The following RPF2 variants were observed in gnomAD, a reference collection of about 807,000 sequenced individuals.
The protein encoded by RPF2 is ribosome production factor 2 homolog.
In RPF2, 21 loss-of-function variants were observed where a neutral mutation model predicts 38.9. The observed-to-expected ratio is 0.54, with a 90% CI of 0.38 to 0.78. The LOEUF (loss-of-function observed/expected upper bound fraction) is 0.78. RPF2 is among the 30% of genes least tolerant of loss of function. The pLI, the probability that RPF2 is intolerant of heterozygous loss-of-function variation, is 0.00. For synonymous variants in RPF2, 121 were observed against 126.2 expected (o/e 0.96, Z 0.28); for missense variants, 314 against 358.1 (o/e 0.88, Z 0.99).
At chr6:111,006,675 A>G (rs1015289181) in intron 6 of RPF2, among the ~76,000 whole-genome samples, 2 of 152,124 alleles carry the variant, frequency 1.3e-5, no homozygotes, top group South Asian at 4.1e-4. Flanking sequence ...TGGCACGATC[A>G]TGGCTCACTG....
At chr6:111,009,430 C>T (rs565796386) in intron 7 of RPF2, among the ~76,000 whole-genome samples, 2 of 151,798 alleles carry the variant, frequency 1.3e-5, no homozygotes, top group South Asian at 2.1e-4. Flanking sequence ...TGACTTCAGG[C>T]GATCCACCCT....
intron 5 of RPF2, among the ~76,000 whole-genome samples, chr6:110,997,625 A>G (rs1771739341): frequency 6.6e-6 from 1 of 152,102 alleles, no homozygotes; most frequent in Non-Finnish European, 1.5e-5. Context: ...CCTGTAGTCC[A>G]GCTACTCAGG....
intron 5 of RPF2, among the ~76,000 whole-genome samples, chr6:110,998,822 G>A (rs888723840): frequency 1.3e-5 from 2 of 151,914 alleles, no homozygotes; most frequent in South Asian, 4.2e-4. Context: ...TTACACACCT[G>A]TAATCCTAGT....
chr6:111,011,344 C>T (rs1772011573), intron 7 of RPF2, among the ~76,000 whole-genome samples: 1 of 149,084 alleles, frequency 6.7e-6, no homozygotes. Flanking sequence ...CTCTGTTGCC[C>T]TGGCATGATC....
intron 3 of RPF2, among the ~76,000 whole-genome samples, chr6:110,990,371 C>T (rs1169943195): frequency 1.3e-5 from 2 of 152,146 alleles, no homozygotes; most frequent in Non-Finnish European, 2.9e-5. Flanking sequence ...ACATTTTTGA[C>T]AAGTACTTGT....
intron 8 of RPF2, among the ~76,000 whole-genome samples, chr6:111,020,009 G>C (rs1272844226): frequency 6.7e-6 from 1 of 148,680 alleles, no homozygotes; most frequent in Non-Finnish European, 1.5e-5. Context: ...CTGCCTCCCG[G>C]GTTCATGCCA....
chr6:111,001,366 T>G (rs1250107993), intron 6 of RPF2, among the ~76,000 whole-genome samples: 1 of 152,152 alleles, frequency 6.6e-6, no homozygotes, highest in African/African-American at 2.4e-5. Flanking sequence ...GCCCTCATAT[T>G]ATTTTTCTTT....
chr6:111,013,891 C>T (rs1772060516), intron 7 of RPF2, among the ~76,000 whole-genome samples: 1 of 152,104 alleles, frequency 6.6e-6, no homozygotes, highest in East Asian at 1.9e-4. Context: ...AATCCCAGCA[C>T]TTTGAGAGAC....
chr6:111,028,153 T>A lies in RPF2; in HGVS notation c.*2571T>A, dbSNP rs1772366745. On this transcript the variant is annotated 3_prime_UTR_variant, in exon 10 of 10. Coordinates refer to ENST00000441448, the MANE Select transcript of RPF2 (RefSeq NM_032194.3). Reference sequence around the variant, plus strand: ...AATTTGGGTTTCTTTTTTTTTGTTTTTTTAAAATTAAGTGCTGTTTGTTTT... The same window carrying A: ...AATTTGGGTTTCTTTTTTTTTGTTTATTTAAAATTAAGTGCTGTTTGTTTT... The A allele has an allele frequency of 6.6e-6, 1 of 152,196 alleles. No individual in the cohort carries two copies. The highest frequency in any genetic ancestry group is 2.1e-4 in the South Asian group (1 of 4,834). 9.4% of individuals were successfully genotyped at this position (152,196 alleles called of 1,614,324 possible). A position where few individuals can be genotyped will look rare whatever the true frequency, so the allele number is the denominator to read the frequency against.
chr6:111,000,819 A>G (rs1771800317), intron 6 of RPF2, among the ~76,000 whole-genome samples: 2 of 152,228 alleles, frequency 1.3e-5, no homozygotes, highest in African/African-American at 4.8e-5. Context: ...AGAATCACAC[A>G]TATGGTCAGT....
At chr6:111,000,559 AT>A (rs1446624686) in intron 6 of RPF2, among the ~76,000 whole-genome samples, 3 of 152,196 alleles carry the variant, frequency 2.0e-5, no homozygotes, top group African/African-American at 7.2e-5. Context: ...CTTTGTTTTA[AT>A]GATATTATGA....
In RPF2 at chr6:110,985,082, A is replaced by C; in HGVS notation, c.100A>C (p.Met34Leu). 1 of 1,613,732 alleles carries C rather than the reference A, an allele frequency of 6.2e-7. No individual in the cohort carries two copies. The highest frequency in any genetic ancestry group is 8.5e-7 in the Non-Finnish European group (1 of 1,179,764). ...PKLNENIKNA[M>L]LIKGGNANAT... ...ACTCAATGAAAATATTAAAAATGCC[A>C]TGCTGATTAAAGGGGGAAATGCAAA... The change falls in exon 2 of 10, where the codon ATG becomes CTG. Residue 34 changes from methionine (M) to leucine (L), a missense_variant. Physicochemically the swap from Met to Leu is conservative, Grantham distance 15. Transcript: ENST00000441448.
At chr6:110,989,794 T>G (rs1045018388) in intron 3 of RPF2, among the ~76,000 whole-genome samples, 1 of 152,114 alleles carries the variant, frequency 6.6e-6, no homozygotes, top group African/African-American at 2.4e-5. Context: ...AGCTCATTTT[T>G]GTATTTTTAA....
chr6:111,009,515 C>T (rs1005529613), intron 7 of RPF2, among the ~76,000 whole-genome samples: 2 of 152,002 alleles, frequency 1.3e-5, no homozygotes, highest in Non-Finnish European at 2.9e-5. Context: ...TACTTTATTA[C>T]CATCATCATC....
intron 8 of RPF2, among the ~76,000 whole-genome samples, chr6:111,020,390 T>C (rs901376824): frequency 6.6e-6 from 1 of 152,082 alleles, no homozygotes; most frequent in Middle Eastern, 3.2e-3. Flanking sequence ...GAGATAAAAA[T>C]ATAACGGTAA....
intron 7 of RPF2, among the ~76,000 whole-genome samples, chr6:111,015,232 A>C (rs9320354): frequency 0.16 from 24,455 of 152,188 alleles, 2,499 homozygotes; most frequent in East Asian, 0.53. Flanking sequence ...GAGAAAAAAG[A>C]CTATCACTGA....
At chr6:111,023,066 T>C (rs1209016714) in intron 8 of RPF2, among the ~76,000 whole-genome samples, 1 of 152,142 alleles carries the variant, frequency 6.6e-6, no homozygotes, top group Non-Finnish European at 1.5e-5. Context: ...GCCTGGCTAA[T>C]TTTTTGTGTC....
At chr6:110,997,069 G>T in intron 4 of RPF2, 114 bp from the exon 5 acceptor site, 1 of 675,826 alleles carries the variant, frequency 1.5e-6, no homozygotes. Flanking sequence ...CCCAAGTGCT[G>T]GGATTACAGG....
chr6:110,988,944 G>C (rs1771570551), intron 2 of RPF2, 84 bp from the exon 3 acceptor site: 1 of 1,505,692 alleles, frequency 6.6e-7, no homozygotes, highest in African/African-American at 1.4e-5. Context: ...AGCAATCTTG[G>C]AGAGTGACTG....
Sources: gnomAD v4.1 joint callset for allele counts (sites outside exome capture counted in the v4.1 genomes callset) on GRCh38, gnomAD v4.1.1 for gene constraint, MANE v1.5 for transcripts, NCBI Gene and HGNC (gene_info 2026-07-23, HGNC 2026-07-21) for gene names.